The following MPPED2 variants were observed in gnomAD, a reference collection of about 807,000 sequenced individuals.
MPPED2 encodes metallophosphoesterase MPPED2.
MPPED2 carries 5 observed loss-of-function variants against 33.0 expected under a neutral mutation model. The ratio of observed to expected loss-of-function variants is 0.15; its 90% CI spans 0.08 to 0.32. The LOEUF is 0.32. Among genes scored for constraint, MPPED2 ranks in the 10% least tolerant of loss-of-function variants. MPPED2 has a pLI of 1.00. For synonymous variants in MPPED2, 136 were observed against 141.9 expected, an observed-to-expected ratio of 0.96 and a Z score of 0.29; for missense variants, 275 against 372.1, an observed-to-expected ratio of 0.74 and a Z score of 2.15.
chr11:30,440,837 C>T (rs1447253540), intron 4 of MPPED2, among the ~76,000 whole-genome samples: 2 of 152,200 alleles, frequency 1.3e-5, no homozygotes, highest in East Asian at 3.8e-4. Context: ...CACAATGATG[C>T]ATGCAGAGGA....
At chr11:30,463,746 T>C (rs1443340059) in intron 4 of MPPED2, among the ~76,000 whole-genome samples, 2 of 152,142 alleles carry the variant, frequency 1.3e-5, no homozygotes, top group South Asian at 2.1e-4. Flanking sequence ...ATGGAGACAA[T>C]AGATTGCATT....
chr11:30,478,006 G>T (rs1417055185), intron 4 of MPPED2, among the ~76,000 whole-genome samples: 1 of 151,830 alleles, frequency 6.6e-6, no homozygotes, highest in African/African-American at 2.4e-5. Context: ...GTTTTCAAAT[G>T]GTTTCTCCTG....
rs776671870 is a variant in MPPED2, at chr11:30,536,081, T to A, written c.223A>T (p.Met75Leu). ...DTHSRTDGIQ[M>L]PYGDILLHTG... is the part of the protein sequence containing the mutation. ...TGGAGAAGGATGTCCCCATAAGGCA[T>A]CTGGATACCATCTGTTCTGGAGTGT... is the stretch of plus-strand genomic sequence containing the variant. The change falls in exon 3 of 7, where the codon ATG becomes TTG. Residue 75 changes from methionine (M) to leucine (L), a missense_variant. Coordinates refer to ENST00000358117, the MANE Select transcript of MPPED2 (RefSeq NM_001584.3). The A allele has an allele frequency of 6.2e-7, 1 of 1,613,582 alleles. No homozygotes were observed. The highest frequency in any genetic ancestry group is 8.5e-7 in the Non-Finnish European group (1 of 1,179,852).
chr11:30,517,190 C>A (rs1488826993), intron 3 of MPPED2, among the ~76,000 whole-genome samples: 1 of 152,150 alleles, frequency 6.6e-6, no homozygotes, highest in Non-Finnish European at 1.5e-5. Flanking sequence ...TGCTATCCCC[C>A]CATACTCCCC....
At chr11:30,420,654 G>A (rs1188106452) in intron 4 of MPPED2, among the ~76,000 whole-genome samples, 1 of 152,194 alleles carries the variant, frequency 6.6e-6, no homozygotes, top group Non-Finnish European at 1.5e-5. Flanking sequence ...TGCTTTTAGA[G>A]AGGAGAAGGT....
chr11:30,490,183 T>A (rs1951914872), intron 4 of MPPED2, among the ~76,000 whole-genome samples: 1 of 151,962 alleles, frequency 6.6e-6, no homozygotes, highest in Non-Finnish European at 1.5e-5. Flanking sequence ...TGAGAGTGAG[T>A]CACAAAGACA....
At chr11:30,501,575 C>T (rs1412805240) in intron 3 of MPPED2, 8 of 959,042 alleles carry the variant, frequency 8.3e-6, no homozygotes, top group East Asian at 1.2e-4. Flanking sequence ...AAAAATGTGC[C>T]GAGTGGCCTC....
At chr11:30,523,150 G>C (rs1207436848) in intron 3 of MPPED2, among the ~76,000 whole-genome samples, 1 of 152,116 alleles carries the variant, frequency 6.6e-6, no homozygotes, top group Non-Finnish European at 1.5e-5. Context: ...GTCAAAGGTG[G>C]GGGCGGGTGG....
chr11:30,550,934 A>C (rs1452172303), intron 2 of MPPED2, among the ~76,000 whole-genome samples: 1 of 152,182 alleles, frequency 6.6e-6, no homozygotes, highest in African/African-American at 2.4e-5. Flanking sequence ...AAAGTTAACT[A>C]CTTTGCCCCT....
At chr11:30,562,501 G>C (rs1313441413) in intron 2 of MPPED2, among the ~76,000 whole-genome samples, 2 of 152,078 alleles carry the variant, frequency 1.3e-5, no homozygotes, top group African/African-American at 4.8e-5. Flanking sequence ...ATGCCTACAG[G>C]GAAAAACTAG....
At chr11:30,547,614 C>A (rs1287542592) in intron 2 of MPPED2, among the ~76,000 whole-genome samples, 2 of 152,144 alleles carry the variant, frequency 1.3e-5, no homozygotes, top group African/African-American at 4.8e-5. Flanking sequence ...TAATGAAAAG[C>A]AATGCAAATA....
At chr11:30,538,466 G>T (rs1402075593) in intron 2 of MPPED2, among the ~76,000 whole-genome samples, 2 of 152,056 alleles carry the variant, frequency 1.3e-5, no homozygotes, top group African/African-American at 4.8e-5. Flanking sequence ...TACATAATTG[G>T]TTCCTCATCT....
intron 4 of MPPED2, among the ~76,000 whole-genome samples, chr11:30,486,865 T>C (rs1272137868): frequency 6.6e-6 from 1 of 152,218 alleles, no homozygotes; most frequent in South Asian, 2.1e-4. Flanking sequence ...ATCTCTAGTC[T>C]TTCCGTTTTG....
chr11:30,445,196 TC>T (rs140845101), intron 4 of MPPED2, among the ~76,000 whole-genome samples: 52,015 of 140,066 alleles, frequency 0.37, 12,642 homozygotes, highest in African/African-American at 0.7. Context: ...ACTAGGAGAC[TC>T]CCCGGGCTGA....
chr11:30,555,117 CT>C (rs963158861), intron 2 of MPPED2, among the ~76,000 whole-genome samples: 4 of 152,118 alleles, frequency 2.6e-5, no homozygotes, highest in East Asian at 3.9e-4. Context: ...TAATGTTGGA[CT>C]TTTTTTCTTC....
At chr11:30,461,672 A>G (rs1950523274) in intron 4 of MPPED2, among the ~76,000 whole-genome samples, 2 of 152,174 alleles carry the variant, frequency 1.3e-5, no homozygotes. Context: ...AGGCAGGCAT[A>G]TGATGAAAAA....
At chr11:30,468,395 T>C (rs192327024) in intron 4 of MPPED2, among the ~76,000 whole-genome samples, 424 of 152,334 alleles carry the variant, frequency 2.8e-3, no homozygotes, top group Admixed American at 6.3e-3. Context: ...TATGCATTGC[T>C]GTAAGAACTA....
At chr11:30,518,293 G>A (rs1321106157) in intron 3 of MPPED2, among the ~76,000 whole-genome samples, 1 of 152,216 alleles carries the variant, frequency 6.6e-6, no homozygotes, top group Non-Finnish European at 1.5e-5. Flanking sequence ...TCTGCTCCAT[G>A]CACAGTTGTC....
chr11:30,558,378 C>A (rs1956083982), intron 2 of MPPED2, among the ~76,000 whole-genome samples: 1 of 151,372 alleles, frequency 6.6e-6, no homozygotes, highest in African/African-American at 2.4e-5. Context: ...AACTTTTTTC[C>A]CCTTTTTCTT....
Sources: gnomAD v4.1 joint callset for allele counts (sites outside exome capture counted in the v4.1 genomes callset) on GRCh38, gnomAD v4.1.1 for gene constraint, MANE v1.5 for transcripts, NCBI Gene and HGNC (gene_info 2026-07-23, HGNC 2026-07-21) for gene names.